The following ARID1B variants were observed in gnomAD, a reference collection of about 807,000 sequenced individuals.
The protein encoded by ARID1B is AT-rich interaction domain 1B, also known as AT-rich interactive domain-containing protein 1B.
In ARID1B, 30 loss-of-function variants were observed where a neutral mutation model predicts 212.3. The observed-to-expected ratio is 0.14, with a 90% CI of 0.11 to 0.19. The LOEUF (loss-of-function observed/expected upper bound fraction) is 0.19, where lower values mean the gene tolerates loss of function less well. Among genes scored for constraint, ARID1B ranks in the 10% least tolerant of loss-of-function variants. The pLI is 1.00. For synonymous variants in ARID1B, 1,402 were observed against 1,301.7 expected (o/e 1.08, Z -1.66); for missense variants, 2,891 against 3,204.0 (o/e 0.90, Z 2.36).
chr6:156,891,292 TC>T (rs1424304117), intron 2 of ARID1B, among the ~76,000 whole-genome samples: 3 of 152,214 alleles, frequency 2.0e-5, no homozygotes, highest in Non-Finnish European at 2.9e-5. Flanking sequence ...TTAAGATTTT[TC>T]TTCTGCTTTT....
chr6:157,140,107 T>C (rs943038596), intron 7 of ARID1B, among the ~76,000 whole-genome samples: 3 of 152,166 alleles, frequency 2.0e-5, no homozygotes, highest in Non-Finnish European at 2.9e-5. Flanking sequence ...GTGATGAAAG[T>C]AAAACTAGGG....
intron 3 of ARID1B, among the ~76,000 whole-genome samples, chr6:156,907,311 G>A (rs1256015068): frequency 6.6e-6 from 1 of 152,094 alleles, no homozygotes; most frequent in African/African-American, 2.4e-5. Context: ...TTTTTCATGA[G>A]TGGATACTGA....
At chr6:157,076,798 A>G (rs1310043728) in intron 4 of ARID1B, among the ~76,000 whole-genome samples, 1 of 152,196 alleles carries the variant, frequency 6.6e-6, no homozygotes, top group Non-Finnish European at 1.5e-5. Context: ...GGTCATTAAT[A>G]TTTATAGGTT....
chr6:156,954,439 A>G (rs1341391519), intron 4 of ARID1B, among the ~76,000 whole-genome samples: 3 of 151,396 alleles, frequency 2.0e-5, no homozygotes, highest in African/African-American at 4.9e-5. Flanking sequence ...ACACACATAC[A>G]TATGATTTTT....
chr6:156,916,749 G>A (rs1790390559), intron 3 of ARID1B, among the ~76,000 whole-genome samples: 1 of 152,030 alleles, frequency 6.6e-6, no homozygotes, highest in African/African-American at 2.4e-5. Context: ...ACTCAGAATC[G>A]TTTTCCTTTT....
At chr6:156,812,254 C>T (rs1463289394) in intron 1 of ARID1B, among the ~76,000 whole-genome samples, 1 of 152,212 alleles carries the variant, frequency 6.6e-6, no homozygotes, top group African/African-American at 2.4e-5. Flanking sequence ...TCCTCAGCCT[C>T]ATGAGTAGCT....
rs1040566984 is a variant in ARID1B at position 157,076,430 on chromosome 6, T to G, written c.2248-8232T>G. Reference sequence around the variant, plus strand: ...CTTGAACTCCTGGGATCAAGCAATATTCCTGCCTAATTTTTTTAAAGTTGC... The same window carrying G: ...CTTGAACTCCTGGGATCAAGCAATAGTCCTGCCTAATTTTTTTAAAGTTGC... On this transcript the variant is annotated intron_variant, in intron 4 of 19. Coordinates refer to ENST00000636930, the MANE Select transcript of ARID1B (RefSeq NM_001374828.1). 2.6e-5 allele frequency among the ~76,000 whole-genome samples: 4 copies of G among 151,896 alleles called. No individual in the cohort carries two copies. The South Asian group carries it at 8.4e-4, about 32-fold the overall frequency.
chr6:156,886,797 A>G (rs1038386243), intron 2 of ARID1B, among the ~76,000 whole-genome samples: 2 of 152,184 alleles, frequency 1.3e-5, no homozygotes, highest in African/African-American at 4.8e-5. Flanking sequence ...AAGGGAATGG[A>G]TACATATTTT....
At chr6:156,890,453 TC>T (rs1291039384) in intron 2 of ARID1B, among the ~76,000 whole-genome samples, 1 of 152,240 alleles carries the variant, frequency 6.6e-6, no homozygotes, top group Non-Finnish European at 1.5e-5. Flanking sequence ...ATCTATTTTA[TC>T]CTATGATTTT....
intron 2 of ARID1B, among the ~76,000 whole-genome samples, chr6:156,893,024 CT>C (rs890377448): frequency 2.7e-4 from 34 of 126,124 alleles, no homozygotes; most frequent in Admixed American, 2.3e-3. Context: ...CTATAAAACT[CT>C]TTTTTTTTCT....
In ARID1B at chr6:157,190,348, TC is replaced by T; in HGVS notation, c.4231+140del. On this transcript the variant is annotated intron_variant, in intron 15 of 19. Transcript: ENST00000636930. This position sits in a 1 kb window ranked among gnomAD's most constrained non-coding sequence, Gnocchi z 4.6. Reference sequence around the variant, plus strand: ...TGTGGGTCCCAGGTCCCCATCCTACTCCACTTGTGGCCTTGGGAAAAGCAGT... The same window carrying T: ...TGTGGGTCCCAGGTCCCCATCCTACTCACTTGTGGCCTTGGGAAAAGCAGT... 1 of 1,093,420 alleles carries T rather than the reference TC, an allele frequency of 9.1e-7. No individual in the cohort carries two copies. The allele number at this position is 1,093,420 out of a possible 1,614,324, so 67.7% of individuals were successfully genotyped here. A position where few individuals can be genotyped will look rare whatever the true frequency, so the allele number is the denominator to read the frequency against.
chr6:157,078,970 C>T (rs535013480), intron 4 of ARID1B, among the ~76,000 whole-genome samples: 2 of 152,156 alleles, frequency 1.3e-5, no homozygotes, highest in Non-Finnish European at 2.9e-5. Flanking sequence ...CTTGTGTTAT[C>T]TCTGGCTTTT....
intron 3 of ARID1B, among the ~76,000 whole-genome samples, chr6:156,907,641 C>T (rs1187641900): frequency 5.3e-5 from 8 of 151,516 alleles, no homozygotes; most frequent in African/African-American, 1.9e-4. Flanking sequence ...CGTGGTGGCT[C>T]ATGCCTGTAA....
intron 1 of ARID1B, among the ~76,000 whole-genome samples, chr6:156,787,008 C>G (rs1583041836): frequency 7.0e-6 from 1 of 142,666 alleles, no homozygotes; most frequent in Admixed American, 7.4e-5. Flanking sequence ...TGGTCAACAA[C>G]AATTGTAGGT....
At chr6:156,984,893 C>A (rs1394954287) in intron 4 of ARID1B, 2 of 152,146 alleles carry the variant, frequency 1.3e-5, no homozygotes, top group Non-Finnish European at 2.9e-5. Flanking sequence ...GGGGTTTTGC[C>A]CTGTTGCCCA....
intron 1 of ARID1B, among the ~76,000 whole-genome samples, chr6:156,803,016 A>T (rs1780895799): frequency 6.6e-6 from 1 of 152,034 alleles, no homozygotes; most frequent in Admixed American, 6.6e-5. Context: ...TTTATTTCTG[A>T]TGGGTGTATG....
chr6:156,820,711 C>T (rs1400615076), intron 1 of ARID1B, among the ~76,000 whole-genome samples: 2 of 152,178 alleles, frequency 1.3e-5, no homozygotes, highest in African/African-American at 4.8e-5. Context: ...AAACCCCCTG[C>T]CTGCTCCGTT....
At chr6:157,156,564 A>G (rs1440624982) in intron 8 of ARID1B, among the ~76,000 whole-genome samples, 1 of 152,256 alleles carries the variant, frequency 6.6e-6, no homozygotes, top group Admixed American at 6.5e-5. Context: ...AATGTTAATG[A>G]GAGCCAAGGA....
At chr6:156,787,330 G>T (rs866997362) in intron 1 of ARID1B, among the ~76,000 whole-genome samples, 35 of 152,020 alleles carry the variant, frequency 2.3e-4, no homozygotes, top group African/African-American at 7.2e-4. Flanking sequence ...ACTGCTTCTG[G>T]GTCCTGAAAT....
Sources: allele counts gnomAD v4.1 joint callset (sites outside exome capture counted in the v4.1 genomes callset), GRCh38; gene constraint gnomAD v4.1.1; non-coding constraint Gnocchi (gnomAD v3.1); transcripts MANE v1.5; gene names NCBI Gene and HGNC (gene_info 2026-07-23, HGNC 2026-07-21).